Variants in SNX32 observed in about 807,000 individuals in gnomAD.
The protein encoded by SNX32 is sorting nexin 32.
SNX32 carries 58 observed loss-of-function variants against 57.0 expected under a neutral mutation model. The observed-to-expected ratio is 1.02, with a 90% CI of 0.82 to 1.27. The LOEUF (loss-of-function observed/expected upper bound fraction) is 1.27, where lower values mean the gene tolerates loss of function less well. Among genes scored for constraint, SNX32 ranks in the 50% most tolerant of loss-of-function variants. The pLI, the probability that SNX32 is intolerant of heterozygous loss-of-function variation, is 0.00. For synonymous variants in SNX32, 262 were observed against 220.4 expected (o/e 1.19, Z -1.67); for missense variants, 589 against 541.2 (o/e 1.09, Z -0.88).
At chr11:65,853,156 C>A in intron 12 of SNX32, 126 bp from the exon 13 acceptor site, 1 of 1,425,594 alleles carries the variant, frequency 7.0e-7, no homozygotes. Context: ...TAGGAAGGCC[C>A]AATTAACAGC....
chr11:65,835,025 G>C lies in SNX32; in HGVS notation c.36+924G>C, dbSNP rs112274043. Among the ~76,000 whole-genome samples the C allele has an allele frequency of 1.5e-4, 22 of 150,454 alleles. 1 individual carries two copies. Among genetic ancestry groups the C allele is most frequent in the African/African-American group, 5.1e-4 (21 of 40,992 alleles). On this transcript the variant is annotated intron_variant, in intron 1 of 12. Coordinates refer to ENST00000308342, the MANE Select transcript of SNX32 (RefSeq NM_152760.3). Reference sequence around the variant, plus strand: ...TGTGTTTCTCTGTGCCTGTGTGTTTGTGTGTGTCTGTGTATCTGTGTGTGT... The same window carrying C: ...TGTGTTTCTCTGTGCCTGTGTGTTTCTGTGTGTCTGTGTATCTGTGTGTGT...
intron 9 of SNX32, 43 bp from the exon 10 acceptor site, chr11:65,852,422 C>A: frequency 6.4e-7 from 1 of 1,569,246 alleles, no homozygotes; most frequent in South Asian, 1.1e-5. Flanking sequence ...CTTAGCTGCC[C>A]CTCTGACAAG....
rs769871121 is a variant in SNX32, at chr11:65,852,705, A to G, written c.988A>G (p.Arg330Gly). ...CAAGGCGCTGGACAAGGCGCGCACC[A>G]GGAACCGGGAGGTGCGGCCCGCCGA... ...ANKALDKARTRNREVRPAESH... is the reference protein window; with the variant it reads ...ANKALDKARTGNREVRPAESH... The change falls in exon 11 of 13, where the codon AGG becomes GGG. Residue 330 changes from arginine to glycine, a missense_variant. By Grantham distance (125) the Arg-to-Gly change is moderately radical. Coordinates refer to ENST00000308342, the MANE Select transcript of SNX32 (RefSeq NM_152760.3). The G allele has an allele frequency of 5.0e-6, 8 of 1,598,130 alleles. No individual in the cohort carries two copies. The highest frequency in any genetic ancestry group is 1.3e-5 in the African/African-American group (1 of 74,614).
chr11:65,842,966 A>G (rs1466986146), intron 1 of SNX32, among the ~76,000 whole-genome samples: 2 of 149,558 alleles, frequency 1.3e-5, no homozygotes, highest in Non-Finnish European at 3.0e-5. Flanking sequence ...AAAAAAAAAA[A>G]AAAAAAGAAA....
chr11:65,849,728 C>T (rs1042112394), intron 2 of SNX32, 146 bp downstream of exon 2: 1 of 815,800 alleles, frequency 1.2e-6, no homozygotes, highest in Admixed American at 2.2e-5. Flanking sequence ...GAAAGTGAGC[C>T]TCTTAGCTCT....
At chr11:65,838,687 G>T (rs1039244090) in intron 1 of SNX32, among the ~76,000 whole-genome samples, 1 of 152,080 alleles carries the variant, frequency 6.6e-6, no homozygotes, top group Non-Finnish European at 1.5e-5. Context: ...TATTTCAAAT[G>T]CACATGAAAC....
chr11:65,843,822 G>A (rs1444368403), intron 1 of SNX32, among the ~76,000 whole-genome samples: 3 of 152,292 alleles, frequency 2.0e-5, no homozygotes, highest in South Asian at 2.1e-4. Context: ...ATCAACAATG[G>A]GTTTGTCTCC....
intron 1 of SNX32, among the ~76,000 whole-genome samples, chr11:65,839,299 G>A (rs1858769110): frequency 8.3e-6 from 1 of 120,602 alleles, no homozygotes; most frequent in Non-Finnish European, 1.7e-5. Context: ...GCGGGATCTC[G>A]GCTCACTGCA....
chr11:65,851,368 C>T lies in SNX32; in HGVS notation c.750C>T (p.Ser250=), dbSNP rs758423761. Residue 250 remains serine, a synonymous_variant, in exon 8 of 13, where the codon AGC becomes AGT. Transcript: ENST00000308342. ...ATATCCCTATCTCAGCTGCGCTGAG[C>T]AGTCTGGGAACACAGGAAGTCAACC... ...DDYIPISAAL[S]SLGTQEVNQL... is the part of the protein sequence containing the mutation. 1 of 1,614,160 alleles carries T rather than the reference C, an allele frequency of 6.2e-7. No homozygotes were observed. Among genetic ancestry groups the T allele is most frequent in the African/African-American group, 1.3e-5 (1 of 75,044 alleles).
At chr11:65,842,949 CAAAAAAAA>C (rs922615169) in intron 1 of SNX32, among the ~76,000 whole-genome samples, 433 of 41,250 alleles carry the variant, frequency 0.01, 6 homozygotes, top group African/African-American at 0.032. Flanking sequence ...AACTCCATCT[CAAAAAAAA>C]AAAAAAAAAA....
chr11:65,839,244 T>TTTTTTTTTTTTTTC (rs1417763184), intron 1 of SNX32, among the ~76,000 whole-genome samples: 1 of 69,332 alleles, frequency 1.4e-5, no homozygotes, highest in African/African-American at 4.8e-5. Flanking sequence ...TTTTTTTTTT[T>TTTTTTTTTTTTTTC]TTTGAGACGG....
chr11:65,852,479 G>C lies in SNX32; in HGVS notation c.840G>C (p.Arg280=). ...TTCTGATGCAGAAGCTGGAGGGCCGGGTGGCTTCCGATGAGGACCTGAAGC... is the reference window on the plus strand; with the variant it reads ...TTCTGATGCAGAAGCTGGAGGGCCGCGTGGCTTCCGATGAGGACCTGAAGC... ...LFERLRKLEG[R]VASDEDLKLS... The change falls in exon 10 of 13, where the codon CGG becomes CGC. Residue 280 remains arginine (R), a synonymous_variant. Coordinates refer to ENST00000308342, the MANE Select transcript of SNX32 (RefSeq NM_152760.3). 1 of 1,614,218 alleles carries C rather than the reference G, an allele frequency of 6.2e-7. No homozygotes were observed. Among genetic ancestry groups the C allele is most frequent in the Non-Finnish European group, 8.5e-7 (1 of 1,180,046 alleles).
intron 1 of SNX32, among the ~76,000 whole-genome samples, chr11:65,842,766 A>G (rs1355074068): frequency 6.6e-6 from 1 of 151,544 alleles, no homozygotes; most frequent in Non-Finnish European, 1.5e-5. Context: ...CCTGGCCAAC[A>G]TAGTGAAACC....
intron 1 of SNX32, among the ~76,000 whole-genome samples, chr11:65,846,687 TAA>T (rs1242941406): frequency 6.7e-6 from 1 of 150,294 alleles, no homozygotes; most frequent in African/African-American, 2.4e-5. Context: ...CCGGAGTGTT[TAA>T]AAAAATGTTT....
rs575020734 is a variant in SNX32 at position 65,833,998 on chromosome 11, G to C, written c.-68G>C. On this transcript the variant is annotated 5_prime_UTR_variant, in exon 1 of 13. Coordinates refer to ENST00000308342, the MANE Select transcript of SNX32 (RefSeq NM_152760.3). ...AGCATCCTCACTCGGTCAGTTCCTC[G>C]GGCGAGTTACGGGGACGACCTGCGG... is the stretch of plus-strand genomic sequence containing the variant. 8 of 1,529,676 alleles carry C rather than the reference G, an allele frequency of 5.2e-6. No homozygotes were observed. The highest frequency in any genetic ancestry group is 1.4e-5 in the African/African-American group (1 of 72,360). 94.8% of individuals were successfully genotyped at this position (1,529,676 alleles called of 1,614,324 possible).
chr11:65,836,873 G>A (rs1457329869), intron 1 of SNX32, among the ~76,000 whole-genome samples: 1 of 151,900 alleles, frequency 6.6e-6, no homozygotes, highest in Non-Finnish European at 1.5e-5. Flanking sequence ...CACAGGGAGG[G>A]GAACAATACA....
chr11:65,851,214 A>C, intron 7 of SNX32, 54 bp downstream of exon 7: 1 of 1,599,236 alleles, frequency 6.3e-7, no homozygotes, highest in Non-Finnish European at 8.6e-7. Context: ...CCAGCGGTTC[A>C]ACTCCTTGGG....
intron 6 of SNX32, 98 bp from the exon 7 acceptor site, chr11:65,850,957 T>C: frequency 1.3e-6 from 2 of 1,492,736 alleles, no homozygotes; most frequent in South Asian, 2.3e-5. Flanking sequence ...TGGTGGGGCC[T>C]GGCCTGGTTT....
intron 1 of SNX32, among the ~76,000 whole-genome samples, chr11:65,841,605 G>A (rs1732202050): frequency 6.6e-6 from 1 of 151,772 alleles, no homozygotes; most frequent in African/African-American, 2.4e-5. Context: ...CAAAGAAAGG[G>A]CGCCTATAAT....
Sources: gnomAD v4.1 joint callset for allele counts (sites outside exome capture counted in the v4.1 genomes callset) on GRCh38, gnomAD v4.1.1 for gene constraint, MANE v1.5 for transcripts, NCBI Gene and HGNC (gene_info 2026-07-23, HGNC 2026-07-21) for gene names.